KRTAP9-1: variants seen among roughly 807,000 people sequenced by gnomAD.
The protein encoded by KRTAP9-1 is keratin associated protein 9-1, also known as keratin-associated protein 9-1.
In KRTAP9-1, 13 loss-of-function variants were observed where a neutral mutation model predicts 18.4. That is an observed-to-expected ratio of 0.71 (90% CI 0.46 to 1.12). The LOEUF (loss-of-function observed/expected upper bound fraction) is 1.12, where lower values mean the gene tolerates loss of function less well. Among genes scored for constraint, KRTAP9-1 ranks in the 50% most tolerant of loss-of-function variants. The probability of loss-of-function intolerance (pLI) is 0.00; values close to 1 mark genes in which losing one functional copy is unlikely to be tolerated. For missense variants in KRTAP9-1, 310 were observed against 310.6 expected (o/e 1.00, Z 0.01); for synonymous variants, 122 against 108.8 (o/e 1.12, Z -0.75).
Position 41,190,221 on chromosome 17 carries a change from C to A in KRTAP9-1, c.335C>A (p.Ser112Tyr), listed in dbSNP as rs1242976578. Residue 112 changes from serine (S) to tyrosine (Y), a missense_variant, in exon 1 of 1, where the codon TCC (serine) becomes TAC (tyrosine). Physicochemically the swap from Ser to Tyr is moderately radical, Grantham distance 144. Around this residue, in one of 3 missense-constraint regions of KRTAP9-1, gnomAD observed 178 missense variants for 190.2 expected, o/e 0.94. Transcript: ENST00000398470. ...GSSCCQPICG[S>Y]SCCQPCCHPT... The stretch of plus-strand genomic sequence containing the variant: ...AGCTGCTGTCAGCCTATTTGTGGGT[C>A]CAGTTGCTGTCAGCCTTGCTGTCAC... The A allele has an allele frequency of 1.3e-6, 2 of 1,522,462 alleles. No individual in the cohort carries two copies. The highest frequency in any genetic ancestry group is 1.4e-5 in the African/African-American group (1 of 71,592). The allele number at this position is 1,522,462 out of a possible 1,614,324, so 94.3% of individuals were successfully genotyped here.
chr17:41,190,523 C>T lies in KRTAP9-1; in HGVS notation c.637C>T (p.Pro213Ser). The T allele has an allele frequency of 6.2e-7, 1 of 1,608,538 alleles. No homozygotes were observed. Among genetic ancestry groups the T allele is most frequent in the African/African-American group, 1.3e-5 (1 of 74,642 alleles). ...CTGCAATGAGTCCAGCTATTGTCTG[C>T]CTTGCTGCCGTCCCACCTGCTGCCA... is the stretch of plus-strand genomic sequence containing the variant. ...QTCNESSYCLPCCRPTCCQTT... is the reference protein window; with the variant it reads ...QTCNESSYCLSCCRPTCCQTT... Residue 213 changes from proline (P) to serine (S), a missense_variant, in exon 1 of 1, where the codon CCT becomes TCT. Physicochemically the swap from Pro to Ser is moderately conservative, Grantham distance 74. Transcript: ENST00000398470.
rs2015328289 is a variant in KRTAP9-1, at chr17:41,189,990, C to T, written c.104C>T (p.Thr35Ile). Residue 35 changes from threonine (T) to isoleucine (I), a missense_variant, in exon 1 of 1, where the codon ACA (threonine) becomes ATA (isoleucine). This residue lies in a region of KRTAP9-1 where 178 missense variants were observed against 190.2 expected (regional missense o/e 0.94). Transcript: ENST00000398470. ...KPTTVTTCSS[T>I]PCCQPSCCVP... The stretch of plus-strand genomic sequence containing the variant: ...ACCACTGTGACCACCTGCAGCAGCA[C>T]ACCCTGTTGCCAGCCCTCCTGCTGT... 3.7e-6 allele frequency: 6 copies of T among 1,613,564 alleles called. No homozygotes were observed. The highest frequency in any genetic ancestry group is 5.1e-6 in the Non-Finnish European group (6 of 1,180,002).
rs770749445 is a variant in KRTAP9-1 at position 41,190,104 on chromosome 17, C to T, written c.218C>T (p.Ala73Val). ...RTTCCQPTCV[A>V]SCCQPSCCST... ...ACCTGCTGCCAGCCCACTTGTGTGG[C>T]CAGCTGCTGCCAGCCTTCCTGCTGC... Residue 73 changes from alanine to valine, a missense_variant, in exon 1 of 1, where the codon GCC (alanine) becomes GTC (valine). This residue lies in a region of KRTAP9-1 where 178 missense variants were observed against 190.2 expected (regional missense o/e 0.94). Coordinates refer to ENST00000398470, the MANE Select transcript of KRTAP9-1 (RefSeq NM_001190460.1). The T allele has an allele frequency of 1.9e-6, 3 of 1,600,576 alleles. No individual in the cohort carries two copies. The highest frequency in any genetic ancestry group is 3.4e-5 in the Admixed American group (2 of 58,294).
At position 41,190,483 on chromosome 17, in the gene KRTAP9-1, C is replaced by A; in HGVS notation, c.597C>A (p.Ser199Arg). Reference sequence around the variant, plus strand: ...GCCAGCCAACCTGTGGTGGGTCCAGCTGCTGTAGCCAAACCTGCAATGAGT... The same window carrying A: ...GCCAGCCAACCTGTGGTGGGTCCAGATGCTGTAGCCAAACCTGCAATGAGT... ...PCCQPTCGGS[S>R]CCSQTCNESS... Residue 199 changes from serine (S) to arginine (R), a missense_variant, in exon 1 of 1, where the codon AGC becomes AGA. Around this residue, in one of 3 missense-constraint regions of KRTAP9-1, gnomAD observed 130 missense variants for 103.4 expected, o/e 1.26. Coordinates refer to ENST00000398470, the MANE Select transcript of KRTAP9-1 (RefSeq NM_001190460.1). 1 of 1,601,886 alleles carries A rather than the reference C, an allele frequency of 6.2e-7. No homozygotes were observed. The highest frequency in any genetic ancestry group is 2.2e-5 in the East Asian group (1 of 44,536).
rs2015330920 is a variant in KRTAP9-1 at position 41,190,124 on chromosome 17, T to C, written c.238T>C (p.Cys80Arg). Residue 80 changes from cysteine (C) to arginine (R), a missense_variant, in exon 1 of 1, where the codon TGC becomes CGC. Cys to Arg is a radical substitution (Grantham distance 180, BLOSUM62 -3). Coordinates refer to ENST00000398470, the MANE Select transcript of KRTAP9-1 (RefSeq NM_001190460.1). ...TGTGGCCAGCTGCTGCCAGCCTTCC[T>C]GCTGCAGCACACCCTGCTGCCAGCC... The part of the protein sequence containing the change: ...TCVASCCQPS[C>R]CSTPCCQPTC... The C allele has an allele frequency of 1.3e-6, 2 of 1,595,490 alleles. No individual in the cohort carries two copies. Among genetic ancestry groups the C allele is most frequent in the Admixed American group, 1.7e-5 (1 of 57,584 alleles).
rs778836671 is a variant in KRTAP9-1 at position 41,190,315 on chromosome 17, C to T, written c.429C>T (p.Cys143=). 9 of 1,415,630 alleles carry T rather than the reference C, an allele frequency of 6.4e-6. No homozygotes were observed. The highest frequency in any genetic ancestry group is 5.6e-5 in the East Asian group (2 of 35,540). 87.7% of individuals were successfully genotyped at this position (1,415,630 alleles called of 1,614,324 possible). A position where few individuals can be genotyped will look rare whatever the true frequency, so the allele number is the denominator to read the frequency against. ...AGCCTACCTGCTGCCAGCCCACCTGCTGCAGGAACACCTCTTGCCAGCCCA... is the reference window on the plus strand; with the variant it reads ...AGCCTACCTGCTGCCAGCCCACCTGTTGCAGGAACACCTCTTGCCAGCCCA... ...CCQPTCCQPT[C]CRNTSCQPTC... Residue 143 remains cysteine (C), a synonymous_variant, in exon 1 of 1, where the codon TGC becomes TGT. Transcript: ENST00000398470.
Position 41,190,217 on chromosome 17 carries a change from G to A in KRTAP9-1, c.331G>A (p.Gly111Arg), listed in dbSNP as rs769495340. 8 of 1,422,066 alleles carry A rather than the reference G, an allele frequency of 5.6e-6. No homozygotes were observed. The highest frequency in any genetic ancestry group is 7.4e-6 in the Non-Finnish European group (8 of 1,085,176). 88.1% of individuals were successfully genotyped at this position (1,422,066 alleles called of 1,614,324 possible). Residue 111 changes from glycine to arginine, a missense_variant, in exon 1 of 1, where the codon GGG (glycine) becomes AGG (arginine). Gly to Arg is a moderately radical substitution (Grantham distance 125). This residue lies in a region of KRTAP9-1 where 178 missense variants were observed against 190.2 expected (regional missense o/e 0.94). Transcript: ENST00000398470. ...GTCCAGCTGCTGTCAGCCTATTTGT[G>A]GGTCCAGTTGCTGTCAGCCTTGCTG... is the stretch of plus-strand genomic sequence containing the variant. ...CGSSCCQPIC[G>R]SSCCQPCCHP...
chr17:41,190,060 A>G lies in KRTAP9-1; in HGVS notation c.174A>G (p.Gln58=). 2.5e-6 allele frequency: 4 copies of G among 1,610,926 alleles called. No individual in the cohort carries two copies. Among genetic ancestry groups the G allele is most frequent in the Non-Finnish European group, 3.4e-6 (4 of 1,178,960 alleles). The change falls in exon 1 of 1, where the codon CAA becomes CAG. Residue 58 remains glutamine (Q), a synonymous_variant. Transcript: ENST00000398470. ...CTTGCTGCCACCCAACTTGCTGTCAAAACACCTGCTGCAGGACCACCTGCT... is the reference window on the plus strand; with the variant it reads ...CTTGCTGCCACCCAACTTGCTGTCAGAACACCTGCTGCAGGACCACCTGCT... ...CQPCCHPTCC[Q]NTCCRTTCCQ... is the part of the protein sequence containing the mutation.
In KRTAP9-1 at chr17:41,190,456, T is replaced by C. The variant is rs2015341456; in HGVS notation, c.570T>C (p.Cys190=). The change falls in exon 1 of 1, where the codon TGT becomes TGC. Residue 190 remains cysteine, a synonymous_variant. Coordinates refer to ENST00000398470, the MANE Select transcript of KRTAP9-1 (RefSeq NM_001190460.1). ...SCVTRCCSTP[C]CQPTCGGSSC... ...TGACCAGATGCTGCAGCACACCCTG[T>C]TGCCAGCCAACCTGTGGTGGGTCCA... 5 of 1,602,996 alleles carry C rather than the reference T, an allele frequency of 3.1e-6. No individual in the cohort carries two copies. Among genetic ancestry groups the C allele is most frequent in the Non-Finnish European group, 4.3e-6 (5 of 1,174,890 alleles).
In KRTAP9-1 at chr17:41,189,930, G is replaced by A. The variant is rs760558770; in HGVS notation, c.44G>A (p.Arg15Lys). 1.9e-6 allele frequency: 3 copies of A among 1,612,344 alleles called. No homozygotes were observed. The highest frequency in any genetic ancestry group is 1.7e-5 in the Admixed American group (1 of 59,986). ...CSPCCQPTCCRTTCCRTTCWK... is the reference protein window; with the variant it reads ...CSPCCQPTCCKTTCCRTTCWK... ...CCTTGCTGTCAGCCTACATGCTGCA[G>A]GACCACCTGCTGCAGGACAACCTGC... The change falls in exon 1 of 1, where the codon AGG (arginine) becomes AAG (lysine). Residue 15 changes from arginine to lysine, a missense_variant. Around this residue, in one of 3 missense-constraint regions of KRTAP9-1, gnomAD observed 178 missense variants for 190.2 expected, o/e 0.94. Coordinates refer to ENST00000398470, the MANE Select transcript of KRTAP9-1 (RefSeq NM_001190460.1).
rs528927882 is a variant in KRTAP9-1, at chr17:41,189,962, C to A, written c.76C>A (p.Pro26Thr). The change falls in exon 1 of 1, where the codon CCC becomes ACC. Residue 26 changes from proline (P) to threonine (T), a missense_variant. Pro to Thr is a conservative substitution (Grantham distance 38). This residue lies in a region of KRTAP9-1 where 178 missense variants were observed against 190.2 expected (regional missense o/e 0.94). Coordinates refer to ENST00000398470, the MANE Select transcript of KRTAP9-1 (RefSeq NM_001190460.1). Reference sequence around the variant, plus strand: ...CTGCTGCAGGACAACCTGCTGGAAGCCCACCACTGTGACCACCTGCAGCAG... The same window carrying A: ...CTGCTGCAGGACAACCTGCTGGAAGACCACCACTGTGACCACCTGCAGCAG... ...TTCCRTTCWK[P>T]TTVTTCSSTP... 54 of 1,612,868 alleles carry A rather than the reference C, an allele frequency of 3.3e-5. No individual in the cohort carries two copies. Among genetic ancestry groups the A allele is most frequent in the Non-Finnish European group, 4.2e-5 (50 of 1,179,982 alleles).
At position 41,190,590 on chromosome 17, in the gene KRTAP9-1, G is replaced by T; in HGVS notation, c.704G>T (p.Cys235Phe). 1 of 1,607,620 alleles carries T rather than the reference G, an allele frequency of 6.2e-7. No homozygotes were observed. The highest frequency in any genetic ancestry group is 8.5e-7 in the Non-Finnish European group (1 of 1,176,902). Residue 235 changes from cysteine to phenylalanine, a missense_variant, in exon 1 of 1, where the codon TGC becomes TTC. This residue lies in a region of KRTAP9-1 where 130 missense variants were observed against 103.4 expected (regional missense o/e 1.26). Transcript: ENST00000398470. ...ACCACCTGTTGCCGCCCCAGCTGTT[G>T]CTGCAGTCCTTGCTGTGTCTCCAGC... The part of the protein sequence containing the change: ...YRTTCCRPSC[C>F]CSPCCVSSCC...
rs2015343379 is a variant in KRTAP9-1 at position 41,190,548 on chromosome 17, A to G, written c.662A>G (p.Gln221Arg). The G allele has an allele frequency of 6.2e-7, 1 of 1,610,792 alleles. No individual in the cohort carries two copies. The highest frequency in any genetic ancestry group is 2.2e-5 in the East Asian group (1 of 44,798). Residue 221 changes from glutamine (Q) to arginine (R), a missense_variant, in exon 1 of 1, where the codon CAG becomes CGG. This residue lies in a region of KRTAP9-1 where 130 missense variants were observed against 103.4 expected (regional missense o/e 1.26). Coordinates refer to ENST00000398470, the MANE Select transcript of KRTAP9-1 (RefSeq NM_001190460.1). Reference sequence around the variant, plus strand: ...CCTTGCTGCCGTCCCACCTGCTGCCAGACCACCTGCTACAGGACCACCTGT... The same window carrying G: ...CCTTGCTGCCGTCCCACCTGCTGCCGGACCACCTGCTACAGGACCACCTGT... ...CLPCCRPTCCQTTCYRTTCCR... is the reference protein window; with the variant it reads ...CLPCCRPTCCRTTCYRTTCCR...
At position 41,190,565 on chromosome 17, in the gene KRTAP9-1, A is replaced by G; in HGVS notation, c.679A>G (p.Thr227Ala). The G allele has an allele frequency of 6.2e-7, 1 of 1,609,386 alleles. No individual in the cohort carries two copies. Among genetic ancestry groups the G allele is most frequent in the Non-Finnish European group, 8.5e-7 (1 of 1,178,138 alleles). The change falls in exon 1 of 1, where the codon ACC (threonine) becomes GCC (alanine). Residue 227 changes from threonine to alanine, a missense_variant. Transcript: ENST00000398470. ...PTCCQTTCYR[T>A]TCCRPSCCCS... is the part of the protein sequence containing the mutation. ...CTGCTGCCAGACCACCTGCTACAGG[A>G]CCACCTGTTGCCGCCCCAGCTGTTG...
rs937330971 is a variant in KRTAP9-1 at position 41,190,109 on chromosome 17, T to G, written c.223T>G (p.Cys75Gly). The part of the protein sequence containing the change: ...TCCQPTCVAS[C>G]CQPSCCSTPC... ...CTGCCAGCCCACTTGTGTGGCCAGC[T>G]GCTGCCAGCCTTCCTGCTGCAGCAC... Residue 75 changes from cysteine to glycine, a missense_variant, in exon 1 of 1, where the codon TGC (cysteine) becomes GGC (glycine). Physicochemically the swap from Cys to Gly is radical, Grantham distance 159. Around this residue, in one of 3 missense-constraint regions of KRTAP9-1, gnomAD observed 178 missense variants for 190.2 expected, o/e 0.94. Transcript: ENST00000398470. 2.5e-6 allele frequency: 4 copies of G among 1,602,512 alleles called. No individual in the cohort carries two copies. The African/African-American group carries it at 5.4e-5, about 22-fold the overall frequency.
chr17:41,190,483 C>T lies in KRTAP9-1; in HGVS notation c.597C>T (p.Ser199=), dbSNP rs566316625. The T allele has an allele frequency of 5.6e-5, 90 of 1,601,886 alleles. No homozygotes were observed. The Middle Eastern group carries it at 9.9e-4, about 18-fold the overall frequency. ...GCCAGCCAACCTGTGGTGGGTCCAG[C>T]TGCTGTAGCCAAACCTGCAATGAGT... is the stretch of plus-strand genomic sequence containing the variant. ...PCCQPTCGGS[S]CCSQTCNESS... The change falls in exon 1 of 1, where the codon AGC becomes AGT. Residue 199 remains serine, a synonymous_variant. Coordinates refer to ENST00000398470, the MANE Select transcript of KRTAP9-1 (RefSeq NM_001190460.1).
Position 41,190,173 on chromosome 17 carries a change from G to C in KRTAP9-1, c.287G>C (p.Cys96Ser). The change falls in exon 1 of 1, where the codon TGT becomes TCT. Residue 96 changes from cysteine to serine, a missense_variant. By Grantham distance (112) the Cys-to-Ser change is moderately radical (BLOSUM62 -1). Coordinates refer to ENST00000398470, the MANE Select transcript of KRTAP9-1 (RefSeq NM_001190460.1). ...CQPTCCGSSC[C>S]GQTSCGSSCC... ...CCCACCTGCTGTGGGTCCAGCTGCT[G>C]TGGCCAAACCAGCTGTGGGTCCAGC... The C allele has an allele frequency of 6.9e-7, 1 of 1,441,386 alleles. No homozygotes were observed. The highest frequency in any genetic ancestry group is 9.1e-7 in the Non-Finnish European group (1 of 1,094,768). 89.3% of individuals were successfully genotyped at this position (1,441,386 alleles called of 1,614,324 possible). A position where few individuals can be genotyped will look rare whatever the true frequency, so the allele number is the denominator to read the frequency against.
rs754042183 is a variant in KRTAP9-1 at position 41,190,632 on chromosome 17, G to A, written c.746G>A (p.Cys249Tyr). Residue 249 changes from cysteine to tyrosine, a missense_variant, in exon 1 of 1, where the codon TGC (cysteine) becomes TAC (tyrosine). Cys to Tyr is a radical substitution (Grantham distance 194). Coordinates refer to ENST00000398470, the MANE Select transcript of KRTAP9-1 (RefSeq NM_001190460.1). ...GTCTCCAGCTGCTGCCAGCCTTCCT[G>A]CTGCTAATCCACTTGCTGCAGACCC... is the stretch of plus-strand genomic sequence containing the variant. ...CCVSSCCQPS[C>Y]C is the part of the protein sequence containing the mutation. 2.5e-6 allele frequency: 4 copies of A among 1,590,616 alleles called. No homozygotes were observed. The Admixed American group carries it at 7.3e-5, about 29-fold the overall frequency.
chr17:41,190,041 G>A lies in KRTAP9-1; in HGVS notation c.155G>A (p.Cys52Tyr), dbSNP rs759376502. Reference protein sequence around the residue: ...CCVPSCCQPCCHPTCCQNTCC... With the variant: ...CCVPSCCQPCYHPTCCQNTCC... ...GTGCCCAGCTGCTGCCAGCCTTGCT[G>A]CCACCCAACTTGCTGTCAAAACACC... Residue 52 changes from cysteine (C) to tyrosine (Y), a missense_variant, in exon 1 of 1, where the codon TGC becomes TAC. Physicochemically the swap from Cys to Tyr is radical, Grantham distance 194 (BLOSUM62 -2). Transcript: ENST00000398470. 1.9e-6 allele frequency: 3 copies of A among 1,613,788 alleles called. No individual in the cohort carries two copies. Among genetic ancestry groups the A allele is most frequent in the Non-Finnish European group, 1.7e-6 (2 of 1,179,832 alleles).
Sources: allele counts gnomAD v4.1 joint callset, GRCh38; gene constraint gnomAD v4.1.1; regional missense constraint gnomAD v4.1.1; transcripts MANE v1.5; gene names NCBI Gene and HGNC (gene_info 2026-07-23, HGNC 2026-07-21).